Variants in APBB2 observed in about 807,000 individuals in gnomAD.
APBB2 encodes the protein amyloid beta precursor protein binding family B member 2.
Under a neutral mutation model 82.5 loss-of-function variants are expected in APBB2, and 38 were observed. The ratio of observed to expected loss-of-function variants is 0.46; its 90% CI spans 0.36 to 0.60. The LOEUF is 0.60. Among genes scored for constraint, APBB2 ranks in the 20% least tolerant of loss-of-function variants. APBB2 has a pLI of 0.00. For synonymous variants in APBB2, 341 were observed against 368.2 expected, an observed-to-expected ratio of 0.93 and a Z score of 0.85; for missense variants, 772 against 972.3, an observed-to-expected ratio of 0.79 and a Z score of 2.74.
In APBB2 at chr4:40,853,897, T is replaced by A. The variant is rs138284936; in HGVS notation, c.1530-23320A>T. Among the ~76,000 whole-genome samples the A allele has an allele frequency of 4.7e-3, 716 of 152,202 alleles. 16 individuals are homozygous for A. Among genetic ancestry groups the A allele is most frequent in the Admixed American group, 0.044 (665 of 15,280 alleles). On this transcript the variant is annotated intron_variant, in intron 12 of 17. Coordinates refer to ENST00000508593, the MANE Select transcript of APBB2 (RefSeq NM_004307.2). Reference sequence around the variant, plus strand: ...GAGCTACTCTGTTGCATCACGCTGTTGATGGTCTTCAAGACACTCGGCATA... The same window carrying A: ...GAGCTACTCTGTTGCATCACGCTGTAGATGGTCTTCAAGACACTCGGCATA...
At chr4:40,992,550 G>A (rs886212065) in intron 6 of APBB2, among the ~76,000 whole-genome samples, 2 of 152,200 alleles carry the variant, frequency 1.3e-5, no homozygotes, top group Admixed American at 6.5e-5. Context: ...TTTTAGATAC[G>A]TGCTGAACAG....
At chr4:41,078,218 T>G (rs1736322716) in intron 3 of APBB2, among the ~76,000 whole-genome samples, 1 of 151,776 alleles carries the variant, frequency 6.6e-6, no homozygotes, top group Admixed American at 6.6e-5. Flanking sequence ...AAAAAAAAAT[T>G]CAAGAATTAC....
chr4:41,210,914 A>C (rs1378171827), intron 1 of APBB2, among the ~76,000 whole-genome samples: 4 of 152,252 alleles, frequency 2.6e-5, no homozygotes, highest in African/African-American at 9.6e-5. Flanking sequence ...TGCTTACAGC[A>C]TAAGATGATA....
intron 7 of APBB2, among the ~76,000 whole-genome samples, chr4:40,937,555 T>A (rs1785686663): frequency 6.6e-6 from 1 of 152,212 alleles, no homozygotes; most frequent in Non-Finnish European, 1.5e-5. Context: ...AGGCTCTGTA[T>A]AGTGATTTTA....
chr4:40,881,528 CTTTTTCTTT>C (rs962786612), intron 12 of APBB2: 4 of 154,920 alleles, frequency 2.6e-5, no homozygotes, highest in African/African-American at 3.2e-5. Context: ...CTTTTCTTTT[CTTTTTCTTT>C]TTTTTTTTTT....
intron 10 of APBB2, among the ~76,000 whole-genome samples, chr4:40,907,345 T>TTATATATATATATA (rs1560860217): frequency 4.8e-5 from 5 of 104,974 alleles, no homozygotes; most frequent in African/African-American, 7.9e-5. Context: ...ATTTAATATA[T>TTATATATATATATA]TACATATATA....
At chr4:41,000,797 C>T (rs1804992247) in intron 6 of APBB2, among the ~76,000 whole-genome samples, 1 of 152,070 alleles carries the variant, frequency 6.6e-6, no homozygotes, top group Non-Finnish European at 1.5e-5. Context: ...AACGGCTTCT[C>T]TCTGATGTGT....
chr4:40,914,273 C>A (rs184135750), intron 10 of APBB2, among the ~76,000 whole-genome samples: 1 of 151,760 alleles, frequency 6.6e-6, no homozygotes, highest in Admixed American at 6.6e-5. Context: ...CTTGGGAGGC[C>A]GAGGCAGGAG....
chr4:41,171,477 G>A (rs1353235940), intron 1 of APBB2, among the ~76,000 whole-genome samples: 5 of 152,098 alleles, frequency 3.3e-5, no homozygotes, highest in Non-Finnish European at 5.9e-5. Flanking sequence ...TTTGAATCTT[G>A]TTGAATAAAC....
chr4:41,090,754 T>C (rs1033866633), intron 3 of APBB2, among the ~76,000 whole-genome samples: 3 of 152,164 alleles, frequency 2.0e-5, no homozygotes, highest in Admixed American at 2.0e-4. Flanking sequence ...CCCAGCAAGT[T>C]AGTATGTATG....
rs1744116954 is a variant in APBB2 at position 40,810,054 on chromosome 4, T to A, written c.*6038A>T. 6.6e-6 allele frequency: 1 copy of A among 152,218 alleles called. No individual in the cohort carries two copies. The highest frequency in any genetic ancestry group is 1.5e-5 in the Non-Finnish European group (1 of 68,042). 9.4% of individuals were successfully genotyped at this position (152,218 alleles called of 1,614,324 possible). On this transcript the variant is annotated 3_prime_UTR_variant, in exon 18 of 18. Coordinates refer to ENST00000508593, the MANE Select transcript of APBB2 (RefSeq NM_004307.2). Reference sequence around the variant, plus strand: ...AAGTTTGAATTTAAAGTTTTATTTTTGCAATTCAGTTGTATAGAAATGTTA... The same window carrying A: ...AAGTTTGAATTTAAAGTTTTATTTTAGCAATTCAGTTGTATAGAAATGTTA...
intron 3 of APBB2, among the ~76,000 whole-genome samples, chr4:41,091,027 G>T (rs1741490277): frequency 6.6e-6 from 1 of 152,102 alleles, no homozygotes; most frequent in Non-Finnish European, 1.5e-5. Context: ...TATGCCATGT[G>T]ATCTGATCCC....
At chr4:40,949,924 G>C (rs1384258334) in intron 6 of APBB2, among the ~76,000 whole-genome samples, 1 of 152,152 alleles carries the variant, frequency 6.6e-6, no homozygotes, top group Non-Finnish European at 1.5e-5. Context: ...TTCTATTTGG[G>C]TGTGTCATGT....
At chr4:41,081,491 G>A (rs188648076) in intron 3 of APBB2, among the ~76,000 whole-genome samples, 2 of 152,312 alleles carry the variant, frequency 1.3e-5, no homozygotes, top group African/African-American at 2.4e-5. Flanking sequence ...GCGTATAAAG[G>A]AGGTAAATTC....
intron 4 of APBB2, among the ~76,000 whole-genome samples, chr4:41,052,469 C>CATATCAGTGTCTGTCAA (rs1726357122): frequency 6.6e-6 from 1 of 152,156 alleles, no homozygotes; most frequent in Non-Finnish European, 1.5e-5. Flanking sequence ...GATGCCGTGT[C>CATATCAGTGTCTGTCAA]ATATCAGTGT....
Position 41,001,671 on chromosome 4 carries a change from A to G in APBB2, c.835+11912T>C, listed in dbSNP as rs111968936. 9.2e-3 allele frequency among the ~76,000 whole-genome samples: 1,394 copies of G among 152,270 alleles called. 29 individuals carry two copies. Among genetic ancestry groups the G allele is most frequent in the African/African-American group, 0.032 (1,331 of 41,554 alleles). On this transcript the variant is annotated intron_variant, in intron 6 of 17. Coordinates refer to ENST00000508593, the MANE Select transcript of APBB2 (RefSeq NM_004307.2). ...GGCAGGCGGATCACCTACGGTCGGG[A>G]GTTCAAGACCAGCCTGGCCAACCTG...
chr4:41,049,624 TG>T (rs1439606986), intron 4 of APBB2, among the ~76,000 whole-genome samples: 3 of 152,132 alleles, frequency 2.0e-5, no homozygotes, highest in Non-Finnish European at 4.4e-5. Context: ...CCACCCCGTC[TG>T]GGAGGTGTAC....
intron 2 of APBB2, among the ~76,000 whole-genome samples, chr4:41,133,790 T>G (rs981388909): frequency 6.6e-6 from 1 of 151,846 alleles, no homozygotes; most frequent in Non-Finnish European, 1.5e-5. Flanking sequence ...AAACAAGGAG[T>G]GCAGAGTAAG....
At chr4:40,829,350 A>T (rs967918014) in intron 13 of APBB2, among the ~76,000 whole-genome samples, 7 of 152,184 alleles carry the variant, frequency 4.6e-5, no homozygotes, top group African/African-American at 1.7e-4. Context: ...ATGTGACCCA[A>T]AAGTGGCTGC....
Sources: gnomAD v4.1 joint callset for allele counts (sites outside exome capture counted in the v4.1 genomes callset) on GRCh38, gnomAD v4.1.1 for gene constraint, MANE v1.5 for transcripts, NCBI Gene and HGNC (gene_info 2026-07-23, HGNC 2026-07-21) for gene names.